C19orf25: variants seen among roughly 807,000 people sequenced by gnomAD.
C19orf25 encodes chromosome 19 open reading frame 25.
C19orf25 carries 1 observed loss-of-function variant against 3.1 expected under a neutral mutation model. The ratio of observed to expected loss-of-function variants is 0.32; its 90% CI spans 0.12 to 1.54. The LOEUF (loss-of-function observed/expected upper bound fraction) is 1.54, where lower values mean the gene tolerates loss of function less well. Ranked by LOEUF, C19orf25 falls within the 40% of genes most tolerant of loss-of-function variation. The pLI is 0.38. For synonymous variants in C19orf25, 91 were observed against 74.3 expected (o/e 1.23, Z -1.16); for missense variants, 196 against 160.4 (o/e 1.22, Z -1.20).
At position 1,474,939 on chromosome 19, in the gene C19orf25, C is replaced by G. The variant is rs1310557913; in HGVS notation, c.*93G>C. 2.0e-6 allele frequency: 3 copies of G among 1,528,972 alleles called. No individual in the cohort carries two copies. Among genetic ancestry groups the G allele is most frequent in the African/African-American group, 2.7e-5 (2 of 72,882 alleles). The allele number at this position is 1,528,972 out of a possible 1,614,324, so 94.7% of individuals were successfully genotyped here. ...TGTCAACACCCACGTGGGCTGGGAC[C>G]CCGTGAATGCCAGTCTGGGGCCGAC... On this transcript the variant is annotated 3_prime_UTR_variant, in exon 3 of 3. Transcript: ENST00000585675.
Position 1,475,048 on chromosome 19 carries a change from G to C in C19orf25, c.341C>G (p.Ala114Gly). 6.3e-7 allele frequency: 1 copy of C among 1,592,886 alleles called. No individual in the cohort carries two copies. The highest frequency in any genetic ancestry group is 8.5e-7 in the Non-Finnish European group (1 of 1,172,286). The change falls in exon 3 of 3, where the codon GCT (alanine) becomes GGT (glycine). Residue 114 changes from alanine to glycine, a missense_variant. Coordinates refer to ENST00000585675, the MANE Select transcript of C19orf25 (RefSeq NM_152482.3). Reference protein sequence around the residue: ...MKQAALPAAEAASSG With the variant: ...MKQAALPAAEGASSG ...CCCGAGAGGTCAGCCTGAGGAGGCA[G>C]CCTCGGCTGCCGGTAATGCTGCCTG...
At chr19:1,478,949 C>T in intron 1 of C19orf25, 44 bp from the exon 2 acceptor site, 6 of 1,519,366 alleles carry the variant, frequency 3.9e-6, no homozygotes, top group South Asian at 3.7e-5. Flanking sequence ...TCCACCTCTC[C>T]GCCCTTGCCC....
chr19:1,478,658 C>A, intron 2 of C19orf25, 116 bp downstream of exon 2: 1 of 1,504,088 alleles, frequency 6.6e-7, no homozygotes, highest in Non-Finnish European at 8.9e-7. Context: ...ACGGACCGTG[C>A]CCATGTTGCG....
At chr19:1,478,479 G>T in intron 2 of C19orf25, 1 of 739,728 alleles carries the variant, frequency 1.4e-6, no homozygotes, top group Non-Finnish European at 1.9e-6. Context: ...TCACCATGTT[G>T]GCCAGGCTGG....
chr19:1,478,646 A>G, intron 2 of C19orf25, 128 bp downstream of exon 2: 1 of 1,494,294 alleles, frequency 6.7e-7, no homozygotes, highest in Non-Finnish European at 8.9e-7. Flanking sequence ...CTCGGAGAGG[A>G]TACGGACCGT....
In C19orf25 at chr19:1,478,816, C is replaced by A; in HGVS notation, c.88G>T (p.Ala30Ser). The A allele has an allele frequency of 6.3e-7, 1 of 1,589,192 alleles. No individual in the cohort carries two copies. The highest frequency in any genetic ancestry group is 8.6e-7 in the Non-Finnish European group (1 of 1,168,870). ...VEQILEDVRG[A>S]PAEDPVFTIL... ...GTGAACACTGGATCCTCTGCCGGCG[C>A]ACCCCGCACATCCTCCAGGATCTGC... Residue 30 changes from alanine to serine, a missense_variant, in exon 2 of 3, where the codon GCG becomes TCG. Ala to Ser is a moderately conservative substitution (Grantham distance 99). Transcript: ENST00000585675.
Position 1,475,255 on chromosome 19 carries a change from G to A in C19orf25, c.134C>T (p.Pro45Leu), listed in dbSNP as rs780846756. The change falls in exon 3 of 3, where the codon CCC (proline) becomes CTC (leucine). Residue 45 changes from proline (P) to leucine (L), a missense_variant. By Grantham distance (98) the Pro-to-Leu change is moderately conservative. Transcript: ENST00000585675. ...PVFTILAPED[P>L]PVPFRMMEDA... The stretch of plus-strand genomic sequence containing the variant: ...CTCCATCATCCTGAAGGGAACTGGG[G>A]GGTCTGAGACAGGACACAGCAGCAT... The A allele has an allele frequency of 1.7e-5, 27 of 1,549,770 alleles. 1 individual carries two copies. In the Middle Eastern group the frequency reaches 2.0e-3, roughly 115 times the overall value.
intron 1 of C19orf25, 35 bp from the exon 2 acceptor site, chr19:1,478,940 C>T (rs768115945): frequency 2.6e-6 from 4 of 1,557,052 alleles, no homozygotes; most frequent in Non-Finnish European, 3.5e-6. Context: ...ACCGGGGCGT[C>T]CACCTCTCCG....
chr19:1,478,213 G>C (rs1026388329), intron 2 of C19orf25, among the ~76,000 whole-genome samples: 18 of 151,948 alleles, frequency 1.2e-4, no homozygotes, highest in African/African-American at 4.4e-4. Context: ...CCAAGAAGCT[G>C]GGGCTACAAG....
At position 1,474,783 on chromosome 19, in the gene C19orf25, C is replaced by A. The variant is rs762637345; in HGVS notation, c.*249G>T. ...CAGAATCACAGTACAGCAATAATGTCCCTATCCTCTTCCAGAACCCCAGTG... is the reference window on the plus strand; with the variant it reads ...CAGAATCACAGTACAGCAATAATGTACCTATCCTCTTCCAGAACCCCAGTG... On this transcript the variant is annotated 3_prime_UTR_variant, in exon 3 of 3. Coordinates refer to ENST00000585675, the MANE Select transcript of C19orf25 (RefSeq NM_152482.3). The A allele has an allele frequency of 7.0e-6, 10 of 1,435,194 alleles. No individual in the cohort carries two copies. In the South Asian group the frequency reaches 1.3e-4, roughly 19 times the overall value. 88.9% of individuals were successfully genotyped at this position (1,435,194 alleles called of 1,614,324 possible).
rs776597569 is a variant in C19orf25, at chr19:1,475,052, C to A, written c.337G>T (p.Glu113Ter). The A allele has an allele frequency of 1.3e-5, 20 of 1,595,028 alleles. No homozygotes were observed. The African/African-American group carries it at 2.7e-4, about 21-fold the overall frequency. The change falls in exon 3 of 3, where the codon GAG becomes TAG. Residue 113 changes from glutamate to a stop codon, truncating the protein, a stop_gained. Transcript: ENST00000585675. LOFTEE classifies it high-confidence loss of function. ...AGAGGTCAGCCTGAGGAGGCAGCCT[C>A]GGCTGCCGGTAATGCTGCCTGCTTC... ...QMKQAALPAA[E>*]AASSG
chr19:1,476,446 A>G (rs2084206532), intron 2 of C19orf25: 5 of 395,194 alleles, frequency 1.3e-5, no homozygotes, highest in Admixed American at 4.4e-5. Flanking sequence ...TGAAGCTCAA[A>G]CCACGGCCCC....
Position 1,478,906 on chromosome 19 carries a change from C to G in C19orf25, c.-2-1G>C, listed in dbSNP as rs1472476979. The G allele has an allele frequency of 3.8e-6, 6 of 1,587,786 alleles. No individual in the cohort carries two copies. Among genetic ancestry groups the G allele is most frequent in the Non-Finnish European group, 5.1e-6 (6 of 1,169,902 alleles). On this transcript the variant is annotated splice_acceptor_variant, in intron 1 of 2. Transcript: ENST00000585675. LOFTEE classifies it low-confidence loss of function (5UTR_SPLICE). ...CGCTTCTTTGCCTTGGAGCCCATCT[C>G]TGAAGGCGGGGAAGGGGGCGCTGAC...
At chr19:1,478,523 C>G in intron 2 of C19orf25, 1 of 1,207,050 alleles carries the variant, frequency 8.3e-7, no homozygotes, top group Non-Finnish European at 1.1e-6. Context: ...ATCCTCCCGC[C>G]TCATCCTCCG....
intron 2 of C19orf25, 121 bp from the exon 3 acceptor site, chr19:1,475,379 T>C: frequency 9.8e-7 from 1 of 1,025,372 alleles, no homozygotes; most frequent in Non-Finnish European, 1.4e-6. Flanking sequence ...CCAGCCGGGG[T>C]CTTCTTAACA....
rs912038968 is a variant in C19orf25, at chr19:1,478,995, C to A, written c.-2-90G>T. The stretch of plus-strand genomic sequence containing the variant: ...TCCCGCCCAGCGAACTCGTACGCAC[C>A]CGTCGCGGTCCCGCTCCCGGGGAAG... On this transcript the variant is annotated intron_variant, in intron 1 of 2. Transcript: ENST00000585675. 6.3e-6 allele frequency: 9 copies of A among 1,428,064 alleles called. No homozygotes were observed. In the African/African-American group the frequency reaches 1.2e-4, roughly 19 times the overall value. The allele number at this position is 1,428,064 out of a possible 1,614,324, so 88.5% of individuals were successfully genotyped here.
rs1458507719 is a variant in C19orf25 at position 1,475,240 on chromosome 19, C to G, written c.149G>C (p.Arg50Thr). Residue 50 changes from arginine (R) to threonine (T), a missense_variant, in exon 3 of 3, where the codon AGG (arginine) becomes ACG (threonine). Transcript: ENST00000585675. ...LAPEDPPVPF[R>T]MMEDAEAPGE... ...CGGGGCCTCCGCATCCTCCATCATC[C>G]TGAAGGGAACTGGGGGGTCTGAGAC... 2 of 1,555,158 alleles carry G rather than the reference C, an allele frequency of 1.3e-6. No homozygotes were observed. The highest frequency in any genetic ancestry group is 1.4e-5 in the African/African-American group (1 of 73,356).
Position 1,474,695 on chromosome 19 carries a change from G to C in C19orf25, c.*337C>G. On this transcript the variant is annotated 3_prime_UTR_variant, in exon 3 of 3. Coordinates refer to ENST00000585675, the MANE Select transcript of C19orf25 (RefSeq NM_152482.3). ...ACAGGCGAGTGCCTGCCCCGGGAGAGGAAGGAGGTGGCACCTGCTCCCAGG... is the reference window on the plus strand; with the variant it reads ...ACAGGCGAGTGCCTGCCCCGGGAGACGAAGGAGGTGGCACCTGCTCCCAGG... 6 of 1,000,362 alleles carry C rather than the reference G, an allele frequency of 6.0e-6. No individual in the cohort carries two copies. The highest frequency in any genetic ancestry group is 8.4e-6 in the Non-Finnish European group (6 of 713,098). The allele number at this position is 1,000,362 out of a possible 1,614,324, so 62.0% of individuals were successfully genotyped here. A position where few individuals can be genotyped will look rare whatever the true frequency, so the allele number is the denominator to read the frequency against.
chr19:1,474,834 G>A lies in C19orf25; in HGVS notation c.*198C>T, dbSNP rs1191727602. ...GGGCCCTCAGGTCACGCAGGACGGA[G>A]CCAGCTGGGTGGGTCCCACCAACTC... On this transcript the variant is annotated 3_prime_UTR_variant, in exon 3 of 3. Transcript: ENST00000585675. The A allele has an allele frequency of 2.7e-6, 4 of 1,462,032 alleles. No individual in the cohort carries two copies. The highest frequency in any genetic ancestry group is 2.7e-5 in the South Asian group (2 of 73,678). The allele number at this position is 1,462,032 out of a possible 1,614,324, so 90.6% of individuals were successfully genotyped here.
Sources: allele counts gnomAD v4.1 joint callset (sites outside exome capture counted in the v4.1 genomes callset), GRCh38; gene constraint gnomAD v4.1.1; transcripts MANE v1.5; gene names NCBI Gene and HGNC (gene_info 2026-07-23, HGNC 2026-07-21).